The following CDK5RAP2 variants were observed in gnomAD, a reference collection of about 807,000 sequenced individuals.
CDK5RAP2 encodes the protein CDK5 regulatory subunit associated protein 2.
Under a neutral mutation model 232.9 loss-of-function variants are expected in CDK5RAP2, and 147 were observed. That is an observed-to-expected ratio of 0.63 (90% CI 0.55 to 0.72). The LOEUF (loss-of-function observed/expected upper bound fraction) is 0.72, where lower values mean the gene tolerates loss of function less well. CDK5RAP2 is among the 30% of genes least tolerant of loss of function. The pLI is 0.00. For synonymous variants in CDK5RAP2, 833 were observed against 833.7 expected (o/e 1.00, Z 0.01); for missense variants, 2,195 against 2,231.5 (o/e 0.98, Z 0.33).
intron 5 of CDK5RAP2, 107 bp from the exon 6 acceptor site, chr9:120,539,271 C>T: frequency 7.5e-7 from 1 of 1,339,352 alleles, no homozygotes; most frequent in Non-Finnish European, 1.1e-6. Context: ...TCCCACAGAC[C>T]TGTGCTGAGC....
chr9:120,410,780 A>G (rs7853381), intron 29 of CDK5RAP2, among the ~76,000 whole-genome samples: 6,785 of 152,312 alleles, frequency 0.045, 516 homozygotes, highest in African/African-American at 0.15. Flanking sequence ...ACCACAGGCC[A>G]GGCAATTCCC....
At chr9:120,535,580 A>AAG (rs2041350772) in intron 7 of CDK5RAP2, among the ~76,000 whole-genome samples, 2 of 152,274 alleles carry the variant, frequency 1.3e-5, no homozygotes, top group African/African-American at 4.8e-5. Context: ...GTTAGCCAGC[A>AAG]GTTGGACTTA....
chr9:120,491,285 T>G (rs1432457866), intron 13 of CDK5RAP2, 22 bp downstream of exon 13: 1 of 1,596,722 alleles, frequency 6.3e-7, no homozygotes, highest in Admixed American at 1.7e-5. Flanking sequence ...ATTAAAAAAT[T>G]TAAATACAAA....
chr9:120,544,661 G>A (rs1224995737), intron 5 of CDK5RAP2, among the ~76,000 whole-genome samples: 3 of 152,220 alleles, frequency 2.0e-5, no homozygotes, highest in African/African-American at 4.8e-5. Context: ...TCTATTGCCA[G>A]GACAAATGAA....
At chr9:120,547,705 A>G (rs1301271880) in intron 4 of CDK5RAP2, among the ~76,000 whole-genome samples, 2 of 152,210 alleles carry the variant, frequency 1.3e-5, no homozygotes, top group Non-Finnish European at 2.9e-5. Context: ...CACGTTGAGA[A>G]GTACAGCCAT....
intron 25 of CDK5RAP2, among the ~76,000 whole-genome samples, chr9:120,436,425 G>C (rs191424749): frequency 1.3e-5 from 2 of 152,270 alleles, no homozygotes; most frequent in African/African-American, 2.4e-5. Flanking sequence ...CCCGGACCAG[G>C]ATCAGGATCC....
At chr9:120,438,863 A>C (rs897895702) in intron 24 of CDK5RAP2, among the ~76,000 whole-genome samples, 7 of 152,326 alleles carry the variant, frequency 4.6e-5, no homozygotes, top group Middle Eastern at 6.8e-3. Context: ...TCATGAAGCA[A>C]AACCGTATAT....
intron 34 of CDK5RAP2, 126 bp from the exon 35 acceptor site, chr9:120,401,011 G>C: frequency 1.0e-6 from 1 of 961,488 alleles, no homozygotes; most frequent in South Asian, 1.5e-5. Context: ...CGAAAGCCTG[G>C]TACCACATAA....
In CDK5RAP2 at chr9:120,407,273, C is replaced by T. The variant is rs199807489; in HGVS notation, c.4727-25G>A. 1.7e-5 allele frequency: 27 copies of T among 1,557,564 alleles called. No individual in the cohort carries two copies. In the East Asian group the frequency reaches 4.3e-4, roughly 25 times the overall value. On this transcript the variant is annotated intron_variant, in intron 31 of 37. Transcript: ENST00000349780. Reference sequence around the variant, plus strand: ...TCTGAGGACATGTGCAAAGAGAAGCCCTGACATCTTCCACAACCAAAGGGT... The same window carrying T: ...TCTGAGGACATGTGCAAAGAGAAGCTCTGACATCTTCCACAACCAAAGGGT...
At chr9:120,494,187 T>C (rs1001697698) in intron 12 of CDK5RAP2, among the ~76,000 whole-genome samples, 3 of 148,134 alleles carry the variant, frequency 2.0e-5, no homozygotes, top group African/African-American at 8.0e-5. Context: ...TGGAAAGACA[T>C]AGAAATATAA....
intron 1 of CDK5RAP2, among the ~76,000 whole-genome samples, chr9:120,577,543 T>C (rs1326451582): frequency 1.3e-5 from 2 of 152,296 alleles, no homozygotes; most frequent in East Asian, 3.9e-4. Flanking sequence ...TTAATACAAC[T>C]GAACCATGCT....
chr9:120,426,976 T>C (rs1359305279), intron 25 of CDK5RAP2, among the ~76,000 whole-genome samples: 3 of 152,166 alleles, frequency 2.0e-5, no homozygotes, highest in Non-Finnish European at 4.4e-5. Flanking sequence ...TTTCCCATCA[T>C]GGTCTGAACT....
intron 12 of CDK5RAP2, among the ~76,000 whole-genome samples, chr9:120,518,204 T>TGA (rs1436096356): frequency 7.5e-5 from 8 of 107,354 alleles, no homozygotes; most frequent in African/African-American, 2.8e-4. Flanking sequence ...TGTGTGTGTG[T>TGA]GTGTGTGAGA....
intron 27 of CDK5RAP2, among the ~76,000 whole-genome samples, chr9:120,415,646 C>T (rs2034165296): frequency 6.6e-6 from 1 of 152,142 alleles, no homozygotes; most frequent in Non-Finnish European, 1.5e-5. Context: ...CAAAACAATG[C>T]TAGTGAGAAT....
At chr9:120,549,643 T>C (rs1204327474) in intron 4 of CDK5RAP2, among the ~76,000 whole-genome samples, 1 of 152,230 alleles carries the variant, frequency 6.6e-6, no homozygotes, top group African/African-American at 2.4e-5. Context: ...TACAATAAGA[T>C]GCAAATGTAC....
At chr9:120,557,955 G>A (rs1170314327) in intron 3 of CDK5RAP2, among the ~76,000 whole-genome samples, 8 of 149,390 alleles carry the variant, frequency 5.4e-5, no homozygotes, top group African/African-American at 1.5e-4. Context: ...TAATAGAGAC[G>A]AGTTTTCACC....
chr9:120,543,101 C>A (rs973866702), intron 5 of CDK5RAP2, among the ~76,000 whole-genome samples: 27 of 152,216 alleles, frequency 1.8e-4, no homozygotes, highest in African/African-American at 6.3e-4. Flanking sequence ...AAACAGAGCT[C>A]ATGACCTTAA....
intron 36 of CDK5RAP2, 62 bp from the exon 37 acceptor site, chr9:120,389,849 A>G (rs2031763270): frequency 6.7e-7 from 1 of 1,497,650 alleles, no homozygotes; most frequent in East Asian, 2.3e-5. Flanking sequence ...GCTGTGTGAA[A>G]GCCAAGTGCA....
intron 35 of CDK5RAP2, among the ~76,000 whole-genome samples, chr9:120,398,356 GAA>G (rs2032706118): frequency 6.6e-6 from 1 of 152,130 alleles, no homozygotes; most frequent in Non-Finnish European, 1.5e-5. Flanking sequence ...TAATAATTCA[GAA>G]TATGAATATC....
Sources: allele counts gnomAD v4.1 joint callset (sites outside exome capture counted in the v4.1 genomes callset), GRCh38; gene constraint gnomAD v4.1.1; transcripts MANE v1.5; gene names NCBI Gene and HGNC (gene_info 2026-07-23, HGNC 2026-07-21).